Variants in GRM5 observed in about 807,000 individuals in gnomAD.
The protein encoded by GRM5 is metabotropic glutamate receptor 5.
GRM5 carries 19 observed loss-of-function variants against 83.1 expected under a neutral mutation model. The observed-to-expected ratio is 0.23, with a 90% CI of 0.16 to 0.34. The LOEUF is 0.34. Among genes scored for constraint, GRM5 ranks in the 10% least tolerant of loss-of-function variants. The pLI is 1.00. For synonymous variants in GRM5, 675 were observed against 633.6 expected (o/e 1.07, Z -0.98); for missense variants, 1,160 against 1,588.3 (o/e 0.73, Z 4.58).
intron 3 of GRM5, among the ~76,000 whole-genome samples, chr11:88,672,804 AAG>A (rs1940225925): frequency 6.6e-6 from 1 of 152,020 alleles, no homozygotes; most frequent in Non-Finnish European, 1.5e-5. Context: ...AGGTACTAAA[AAG>A]TAAAATGGAC....
At chr11:88,637,110 G>A (rs1393197263) in intron 4 of GRM5, among the ~76,000 whole-genome samples, 1 of 152,070 alleles carries the variant, frequency 6.6e-6, no homozygotes, top group Non-Finnish European at 1.5e-5. Context: ...TAGCTTGATG[G>A]GGATGGCATT....
intron 2 of GRM5, among the ~76,000 whole-genome samples, chr11:88,985,173 T>C (rs1939663754): frequency 6.6e-6 from 1 of 152,098 alleles, no homozygotes; most frequent in Non-Finnish European, 1.5e-5. Context: ...GTATCATCAT[T>C]TCTCTGGAAA....
Position 88,506,881 on chromosome 11 carries a change from G to T in GRM5, c.*1711C>A, listed in dbSNP as rs943059418. The T allele has an allele frequency of 2.0e-5, 3 of 151,982 alleles. No homozygotes were observed. Among genetic ancestry groups the T allele is most frequent in the Admixed American group, 6.6e-5 (1 of 15,260 alleles). 9.4% of individuals were successfully genotyped at this position (151,982 alleles called of 1,614,324 possible). On this transcript the variant is annotated 3_prime_UTR_variant, in exon 10 of 10. Transcript: ENST00000305447. ...CCAAAGTAAGGATATTGAGCTAAAA[G>T]AAAAAGTTTTATTTATTATTCTCTC...
At chr11:88,703,682 C>T (rs1941089103) in intron 3 of GRM5, among the ~76,000 whole-genome samples, 1 of 152,066 alleles carries the variant, frequency 6.6e-6, no homozygotes, top group African/African-American at 2.4e-5. Context: ...CCCCTACCAA[C>T]TCCTAATTGT....
At chr11:88,965,236 G>A (rs1371729072) in intron 2 of GRM5, among the ~76,000 whole-genome samples, 1 of 152,142 alleles carries the variant, frequency 6.6e-6, no homozygotes. Context: ...CAGTTCTGGA[G>A]GCTGGAAGTA....
intron 9 of GRM5, among the ~76,000 whole-genome samples, chr11:88,514,183 T>C (rs1350281104): frequency 1.3e-5 from 2 of 152,214 alleles, no homozygotes; most frequent in East Asian, 1.9e-4. Context: ...TTGCAAAATA[T>C]AATATGATGC....
chr11:88,830,199 AG>A lies in GRM5; in HGVS notation c.911+19706del, dbSNP rs767312195. 1.1e-3 allele frequency among the ~76,000 whole-genome samples: 163 copies of A among 152,212 alleles called. 1 individual carries two copies. Among genetic ancestry groups the A allele is most frequent in the Non-Finnish European group, 1.7e-3 (115 of 67,988 alleles). ...AAAAGGATGAATGGACATATTGCAA[AG>A]CATCAAAGAGGAAAAGGCAAATGAA... On this transcript the variant is annotated intron_variant, in intron 3 of 9. Transcript: ENST00000305447.
intron 8 of GRM5, among the ~76,000 whole-genome samples, chr11:88,560,355 TC>T (rs1942727029): frequency 6.6e-6 from 1 of 152,130 alleles, no homozygotes; most frequent in Admixed American, 6.6e-5. Context: ...TAGGCTCCTA[TC>T]ATGGCACTGT....
chr11:88,794,134 G>A (rs1333671125), intron 3 of GRM5, among the ~76,000 whole-genome samples: 1 of 151,988 alleles, frequency 6.6e-6, no homozygotes, highest in African/African-American at 2.4e-5. Context: ...ATAATGGTTT[G>A]GAATCCTTAA....
At chr11:88,815,799 C>T (rs909394200) in intron 3 of GRM5, among the ~76,000 whole-genome samples, 1 of 152,192 alleles carries the variant, frequency 6.6e-6, no homozygotes, top group Non-Finnish European at 1.5e-5. Flanking sequence ...TACCCACATA[C>T]CTGTCATTAG....
intron 8 of GRM5, among the ~76,000 whole-genome samples, chr11:88,552,747 G>A (rs1942539631): frequency 6.6e-6 from 1 of 152,152 alleles, no homozygotes; most frequent in African/African-American, 2.4e-5. Flanking sequence ...GCATTACTGA[G>A]GATGGTCAGA....
At chr11:88,848,689 A>G (rs1354635330) in intron 3 of GRM5, among the ~76,000 whole-genome samples, 1 of 152,206 alleles carries the variant, frequency 6.6e-6, no homozygotes, top group Non-Finnish European at 1.5e-5. Context: ...ATTCAAAACT[A>G]CGATGTTGTC....
intron 3 of GRM5, among the ~76,000 whole-genome samples, chr11:88,717,004 C>A (rs1941414150): frequency 6.6e-6 from 1 of 151,908 alleles, no homozygotes; most frequent in African/African-American, 2.4e-5. Flanking sequence ...AATAAGCCAG[C>A]CCTGTTGCTT....
chr11:88,643,898 TC>T (rs1318236023), intron 4 of GRM5, among the ~76,000 whole-genome samples: 1 of 152,152 alleles, frequency 6.6e-6, no homozygotes, highest in Non-Finnish European at 1.5e-5. Context: ...TAAGGAAGTA[TC>T]CTCTAACAAC....
intron 2 of GRM5, among the ~76,000 whole-genome samples, chr11:88,947,908 G>T (rs1456936508): frequency 6.6e-6 from 1 of 152,150 alleles, no homozygotes; most frequent in Admixed American, 6.6e-5. Flanking sequence ...CTGTTTACTT[G>T]TAAGAACAAG....
chr11:88,711,363 G>A (rs1259499794), intron 3 of GRM5, among the ~76,000 whole-genome samples: 1 of 152,114 alleles, frequency 6.6e-6, no homozygotes, highest in African/African-American at 2.4e-5. Context: ...TGATCCACTT[G>A]TGTCAGCTCC....
intron 3 of GRM5, among the ~76,000 whole-genome samples, chr11:88,685,417 G>A (rs1054582358): frequency 2.0e-5 from 3 of 152,168 alleles, no homozygotes; most frequent in East Asian, 1.9e-4. Context: ...AGAGTGTAAA[G>A]GTTCAGGAAA....
At chr11:88,513,638 A>G (rs1941443516) in intron 9 of GRM5, among the ~76,000 whole-genome samples, 1 of 152,156 alleles carries the variant, frequency 6.6e-6, no homozygotes, top group South Asian at 2.1e-4. Context: ...TCGAGGCAGT[A>G]GTGATAGTGG....
Position 88,815,984 on chromosome 11 carries a change from C to T in GRM5, c.911+33922G>A, listed in dbSNP as rs535377354. On this transcript the variant is annotated intron_variant, in intron 3 of 9. Coordinates refer to ENST00000305447, the MANE Select transcript of GRM5 (RefSeq NM_001143831.3). ...ATCCCAGCACTTTGGGAGGCCGAGG[C>T]GGGTGGATCATGAGGTCAGGAGATC... Among the ~76,000 whole-genome samples the T allele has an allele frequency of 2.6e-3, 394 of 150,254 alleles. 3 individuals are homozygous for T. The highest frequency in any genetic ancestry group is 0.016 in the South Asian group (77 of 4,786).
Sources: gnomAD v4.1 joint callset for allele counts (sites outside exome capture counted in the v4.1 genomes callset) on GRCh38, gnomAD v4.1.1 for gene constraint, MANE v1.5 for transcripts, NCBI Gene and HGNC (gene_info 2026-07-23, HGNC 2026-07-21) for gene names.